STYX: variants seen among roughly 807,000 people sequenced by gnomAD.
STYX encodes serine/threonine/tyrosine interacting protein, also known as serine/threonine/tyrosine-interacting protein.
STYX carries 20 observed loss-of-function variants against 42.7 expected under a neutral mutation model. That is an observed-to-expected ratio of 0.47 (90% CI 0.33 to 0.68). STYX has a LOEUF of 0.68. STYX is among the 30% of genes least tolerant of loss of function. The pLI is 0.02. For synonymous variants in STYX, 78 were observed against 81.9 expected (o/e 0.95, Z 0.26); for missense variants, 226 against 268.5 (o/e 0.84, Z 1.11).
chr14:52,769,889 G>T (rs920081800), intron 10 of STYX, among the ~76,000 whole-genome samples: 5 of 151,952 alleles, frequency 3.3e-5, no homozygotes, highest in African/African-American at 7.3e-5. Context: ...GCCTCCTTTG[G>T]CTTCATTCCT....
intron 8 of STYX, among the ~76,000 whole-genome samples, chr14:52,759,141 G>C (rs1411953631): frequency 6.6e-6 from 1 of 151,944 alleles, no homozygotes; most frequent in African/African-American, 2.4e-5. Flanking sequence ...ATTTATTTTA[G>C]AGACAGGGTC....
chr14:52,740,793 G>A (rs1237753769), intron 1 of STYX, among the ~76,000 whole-genome samples: 1 of 152,114 alleles, frequency 6.6e-6, no homozygotes, highest in Non-Finnish European at 1.5e-5. Flanking sequence ...ATAGTGTAAT[G>A]TACAAATAGT....
chr14:52,761,639 G>T (rs1882100201), intron 9 of STYX, among the ~76,000 whole-genome samples: 2 of 147,732 alleles, frequency 1.4e-5, no homozygotes, highest in South Asian at 4.4e-4. Flanking sequence ...CGCCATCTCG[G>T]TTCACTGCAA....
intron 2 of STYX, among the ~76,000 whole-genome samples, chr14:52,745,176 A>G (rs1594869084): frequency 6.7e-6 from 1 of 149,610 alleles, no homozygotes. Flanking sequence ...GCTAGAGTGC[A>G]ATGGCACGAT....
chr14:52,763,690 T>C (rs1026667498), intron 9 of STYX, among the ~76,000 whole-genome samples: 18 of 152,134 alleles, frequency 1.2e-4, no homozygotes, highest in Admixed American at 2.6e-4. Flanking sequence ...TCACAGAATG[T>C]TTTGTAGTAC....
chr14:52,730,568 C>G (rs913346962), intron 1 of STYX, 37 bp downstream of exon 1: 2 of 1,605,496 alleles, frequency 1.2e-6, no homozygotes, highest in African/African-American at 1.3e-5. Flanking sequence ...ACAGGCCTCT[C>G]CCTGTGGCTC....
Position 52,757,940 on chromosome 14 carries a change from A to G in STYX, c.431+16A>G, listed in dbSNP as rs1426869182. 3 of 1,609,172 alleles carry G rather than the reference A, an allele frequency of 1.9e-6. No individual in the cohort carries two copies. The highest frequency in any genetic ancestry group is 2.5e-6 in the Non-Finnish European group (3 of 1,179,154). ...TGAAGTACAGGTAAGAAAATACCCTAAAACCTAGCCACAGTTTAAATTCTC... is the reference window on the plus strand; with the variant it reads ...TGAAGTACAGGTAAGAAAATACCCTGAAACCTAGCCACAGTTTAAATTCTC... On this transcript the variant is annotated intron_variant, in intron 8 of 10. Transcript: ENST00000354586.
intron 9 of STYX, among the ~76,000 whole-genome samples, chr14:52,762,124 C>T (rs928989981): frequency 1.3e-5 from 2 of 151,896 alleles, no homozygotes; most frequent in African/African-American, 4.8e-5. Flanking sequence ...AGGTGATCCA[C>T]CCACCTTGGC....
intron 2 of STYX, among the ~76,000 whole-genome samples, chr14:52,745,590 A>G (rs553254919): frequency 4.1e-4 from 62 of 152,374 alleles, no homozygotes; most frequent in African/African-American, 1.4e-3. Context: ...TTTTTAATCA[A>G]CTTCCACAAT....
Position 52,772,147 on chromosome 14 carries a change from T to C in STYX, c.*1041T>C, listed in dbSNP as rs1290212062. On this transcript the variant is annotated 3_prime_UTR_variant, in exon 11 of 11. Transcript: ENST00000354586. Reference sequence around the variant, plus strand: ...TAACATTTTTGTGTAATTTCCTTTCTTTTTAAACCATAAATTAGTTTAAAC... The same window carrying C: ...TAACATTTTTGTGTAATTTCCTTTCCTTTTAAACCATAAATTAGTTTAAAC... The C allele has an allele frequency of 6.6e-6, 1 of 152,208 alleles. No homozygotes were observed. The highest frequency in any genetic ancestry group is 1.5e-5 in the Non-Finnish European group (1 of 67,964). 9.4% of individuals were successfully genotyped at this position (152,208 alleles called of 1,614,324 possible).
rs1456567877 is a variant in STYX at position 52,771,264 on chromosome 14, A to T, written c.*158A>T. The T allele has an allele frequency of 1.6e-5, 10 of 621,016 alleles. No homozygotes were observed. The highest frequency in any genetic ancestry group is 1.3e-5 in the Non-Finnish European group (5 of 372,370). The allele number at this position is 621,016 out of a possible 1,614,324, so 38.5% of individuals were successfully genotyped here. On this transcript the variant is annotated 3_prime_UTR_variant, in exon 11 of 11. Transcript: ENST00000354586. ...CTGCAACTTGTTGAGCAACATTTTA[A>T]GATGTTGGACTTCTGCAATAGATGA... is the stretch of plus-strand genomic sequence containing the variant.
At chr14:52,762,169 C>G (rs1425867687) in intron 9 of STYX, among the ~76,000 whole-genome samples, 1 of 152,038 alleles carries the variant, frequency 6.6e-6, no homozygotes, top group Non-Finnish European at 1.5e-5. Context: ...CGTGAGCCAC[C>G]ACTCCTGGCC....
intron 3 of STYX, among the ~76,000 whole-genome samples, chr14:52,750,439 C>T (rs555479680): frequency 2.0e-5 from 3 of 152,218 alleles, no homozygotes; most frequent in Admixed American, 2.0e-4. Context: ...CCATCAAGCT[C>T]TAAAATTGTA....
In STYX at chr14:52,772,348, A is replaced by T. The variant is rs1156314546; in HGVS notation, c.*1242A>T. 1 of 152,290 alleles carries T rather than the reference A, an allele frequency of 6.6e-6. No individual in the cohort carries two copies. Among genetic ancestry groups the T allele is most frequent in the Non-Finnish European group, 1.5e-5 (1 of 67,992 alleles). The allele number at this position is 152,290 out of a possible 1,614,324, so 9.4% of individuals were successfully genotyped here. On this transcript the variant is annotated 3_prime_UTR_variant, in exon 11 of 11. Coordinates refer to ENST00000354586, the MANE Select transcript of STYX (RefSeq NM_145251.4). ...GTATTTTAAATTAGCATTTTAATCC[A>T]TTCTTGACATTCAGTTAGTCCAGAT...
At position 52,731,114 on chromosome 14, in the gene STYX, C is replaced by T. The variant is rs140605027; in HGVS notation, c.57+583C>T. ...AATATTGAAAGTAAAATACTATATA[C>T]CTTTTCTCCTGGTTTCTAATTTGTG... On this transcript the variant is annotated intron_variant, in intron 1 of 10. Transcript: ENST00000354586. Among the ~76,000 whole-genome samples the T allele has an allele frequency of 1.2e-4, 18 of 152,254 alleles. No individual in the cohort carries two copies. The East Asian group carries it at 3.5e-3, about 29-fold the overall frequency.
rs1313987725 is a variant in STYX at position 52,774,102 on chromosome 14, T to C, written c.*2996T>C. 6.6e-6 allele frequency: 1 copy of C among 152,210 alleles called. No individual in the cohort carries two copies. Among genetic ancestry groups the C allele is most frequent in the East Asian group, 1.9e-4 (1 of 5,204 alleles). 9.4% of individuals were successfully genotyped at this position (152,210 alleles called of 1,614,324 possible). On this transcript the variant is annotated 3_prime_UTR_variant, in exon 11 of 11. Transcript: ENST00000354586. ...TTTAAACTGCAGTGACCTTTACTTG[T>C]ATCTACTCTGTGGTGGAAATGTTAA...
intron 1 of STYX, among the ~76,000 whole-genome samples, chr14:52,743,178 A>T (rs995825259): frequency 3.3e-5 from 5 of 152,132 alleles, no homozygotes; most frequent in African/African-American, 1.2e-4. Flanking sequence ...ATTAAAAATA[A>T]AAATGTTTTC....
intron 1 of STYX, among the ~76,000 whole-genome samples, chr14:52,740,280 CAAAAA>C (rs1881134910): frequency 6.6e-6 from 1 of 150,946 alleles, no homozygotes; most frequent in Non-Finnish European, 1.5e-5. Context: ...GACTCCGTCT[CAAAAA>C]GAAAAAAAAA....
intron 1 of STYX, chr14:52,731,746 T>G (rs1399160593): frequency 6.6e-6 from 1 of 151,926 alleles, no homozygotes; most frequent in Admixed American, 6.6e-5. Context: ...AGGTTCACAT[T>G]TTTGTTTGGA....
Sources: allele counts gnomAD v4.1 joint callset (sites outside exome capture counted in the v4.1 genomes callset), GRCh38; gene constraint gnomAD v4.1.1; transcripts MANE v1.5; gene names NCBI Gene and HGNC (gene_info 2026-07-23, HGNC 2026-07-21).